CLIP3: variants seen among roughly 807,000 people sequenced by gnomAD.
CLIP3 encodes the protein CAP-Gly domain containing linker protein 3, also known as CAP-Gly domain-containing linker protein 3.
A neutral mutation model predicts 59.4 loss-of-function variants in CLIP3; 15 were observed. That is an observed-to-expected ratio of 0.25 (90% CI 0.17 to 0.39). CLIP3 has a LOEUF of 0.39. Among genes scored for constraint, CLIP3 ranks in the 10% least tolerant of loss-of-function variants. CLIP3 has a pLI of 1.00. For synonymous variants in CLIP3, 300 were observed against 321.6 expected, an observed-to-expected ratio of 0.93 and a Z score of 0.72; for missense variants, 495 against 765.7, an observed-to-expected ratio of 0.65 and a Z score of 4.17.
At chr19:36,031,332 T>G (rs1969261793) in intron 2 of CLIP3, among the ~76,000 whole-genome samples, 1 of 152,174 alleles carries the variant, frequency 6.6e-6, no homozygotes, top group South Asian at 2.1e-4. Context: ...TTTCTTTCTT[T>G]CATAGCACTT....
chr19:36,030,292 A>G (rs1395548561), intron 2 of CLIP3, among the ~76,000 whole-genome samples: 1 of 152,088 alleles, frequency 6.6e-6, no homozygotes, highest in African/African-American at 2.4e-5. Context: ...GCCTCAAGCA[A>G]TCCTCCCACC....
intron 12 of CLIP3, 86 bp from the exon 13 acceptor site, chr19:36,017,065 C>T: frequency 7.5e-7 from 1 of 1,340,476 alleles, no homozygotes; most frequent in Non-Finnish European, 1.1e-6. Flanking sequence ...TCATTAATAC[C>T]TCCCCATGTC....
At chr19:36,017,554 G>T (rs1275660987) in intron 11 of CLIP3, 101 bp downstream of exon 11, 3 of 1,596,584 alleles carry the variant, frequency 1.9e-6, no homozygotes, top group African/African-American at 1.3e-5. Flanking sequence ...GGGGCTCGGG[G>T]GTGTCCACAC....
At chr19:36,025,087 G>A (rs1969065216) in intron 6 of CLIP3, among the ~76,000 whole-genome samples, 1 of 151,674 alleles carries the variant, frequency 6.6e-6, no homozygotes, top group African/African-American at 2.4e-5. Context: ...AAAAGAAGGG[G>A]CAGGGCAGAA....
At chr19:36,018,865 G>T (rs746465361) in intron 9 of CLIP3, 33 bp downstream of exon 9, 2 of 1,602,300 alleles carry the variant, frequency 1.2e-6, no homozygotes, top group East Asian at 4.5e-5. Flanking sequence ...TCCCCAAACT[G>T]GCTCTTCCCA....
chr19:36,027,429 G>T (rs756620830), intron 2 of CLIP3, among the ~76,000 whole-genome samples, 158 bp from the exon 3 acceptor site: 1 of 152,154 alleles, frequency 6.6e-6, no homozygotes, highest in African/African-American at 2.4e-5. Context: ...TTTTCTGTGT[G>T]GCCAGCATGA....
At position 36,015,799 on chromosome 19, in the gene CLIP3, ATCCAGGGTTGGGTGAT is replaced by A. The variant is rs574161520; in HGVS notation, c.*343_*358del. ...GTGTTTGTTAATGGGGAGGTTTCTG[ATCCAGGGTTGGGTGAT>A]TCAAGAATGTTCTGTTGTAATGCAT... is the stretch of plus-strand genomic sequence containing the variant. On this transcript the variant is annotated 3_prime_UTR_variant, in exon 14 of 14. Coordinates refer to ENST00000360535, the MANE Select transcript of CLIP3 (RefSeq NM_015526.3). 6.5e-5 allele frequency: 19 copies of A among 294,104 alleles called. No individual in the cohort carries two copies. The highest frequency in any genetic ancestry group is 4.0e-4 in the African/African-American group (19 of 47,538). 18.2% of individuals were successfully genotyped at this position (294,104 alleles called of 1,614,324 possible).
intron 7 of CLIP3, among the ~76,000 whole-genome samples, chr19:36,023,045 A>T (rs1244543934): frequency 6.6e-6 from 1 of 151,956 alleles, no homozygotes; most frequent in Admixed American, 6.6e-5. Context: ...ACAGAGCAAG[A>T]CTCCATCTCA....
chr19:36,018,469 C>A (rs1568539795), intron 9 of CLIP3, among the ~76,000 whole-genome samples: 1 of 151,698 alleles, frequency 6.6e-6, no homozygotes, highest in Non-Finnish European at 1.5e-5. Context: ...GTAATCCCAG[C>A]TACTCGGGAG....
chr19:36,030,575 C>T (rs1378442314), intron 2 of CLIP3, among the ~76,000 whole-genome samples: 1 of 152,186 alleles, frequency 6.6e-6, no homozygotes, highest in African/African-American at 2.4e-5. Flanking sequence ...CCCCTTCTAC[C>T]CAGTACCCAG....
chr19:36,026,116 G>A lies in CLIP3; in HGVS notation c.681+31C>T, dbSNP rs1164110599. 2.6e-6 allele frequency: 4 copies of A among 1,543,452 alleles called. No homozygotes were observed. The highest frequency in any genetic ancestry group is 3.6e-6 in the Non-Finnish European group (4 of 1,117,400). ...AAGTGGGGGAGGAAGGGAGCAGGAGGGTAACGGGTTCTGGGCAAGGGTGGC... is the reference window on the plus strand; with the variant it reads ...AAGTGGGGGAGGAAGGGAGCAGGAGAGTAACGGGTTCTGGGCAAGGGTGGC... On this transcript the variant is annotated intron_variant, in intron 6 of 13. Coordinates refer to ENST00000360535, the MANE Select transcript of CLIP3 (RefSeq NM_015526.3). This position sits in a 1 kb window ranked among gnomAD's most constrained non-coding sequence, Gnocchi z 6.3.
At position 36,032,181 on chromosome 19, in the gene CLIP3, A is replaced by G; in HGVS notation, c.166+11T>C. On this transcript the variant is annotated intron_variant, in intron 2 of 13. Coordinates refer to ENST00000360535, the MANE Select transcript of CLIP3 (RefSeq NM_015526.3). The surrounding 1 kb of genome is among the most constrained non-coding windows in gnomAD (Gnocchi z 4.3). ...CTCCAGGCCAGATTCCAGGGTGGGG[A>G]CAGTGGTTACCGTAGTCCTTAGGGA... 1 of 1,254,552 alleles carries G rather than the reference A, an allele frequency of 8.0e-7. No individual in the cohort carries two copies. The allele number at this position is 1,254,552 out of a possible 1,614,324, so 77.7% of individuals were successfully genotyped here. A position where few individuals can be genotyped will look rare whatever the true frequency, so the allele number is the denominator to read the frequency against.
At chr19:36,024,754 G>A (rs939757136) in intron 6 of CLIP3, 122 bp from the exon 7 acceptor site, 1 of 889,684 alleles carries the variant, frequency 1.1e-6, no homozygotes, top group Non-Finnish European at 1.7e-6. Context: ...CATATCCTGG[G>A]CCAACCTGGG....
chr19:36,021,434 G>A (rs540079305), intron 7 of CLIP3, among the ~76,000 whole-genome samples: 18 of 152,048 alleles, frequency 1.2e-4, no homozygotes, highest in East Asian at 1.9e-4. Flanking sequence ...ACAGGTGTGC[G>A]CCACCATGCC....
rs1427524477 is a variant in CLIP3 at position 36,016,947 on chromosome 19, G to A, written c.1549C>T (p.Arg517Trp). 10 of 1,613,874 alleles carry A rather than the reference G, an allele frequency of 6.2e-6. No homozygotes were observed. The highest frequency in any genetic ancestry group is 1.1e-5 in the South Asian group (1 of 91,042). ...TCTGATGCAATGTCCTTTGGGGTCCGGACTGTGGTGAAGGTGCGTTTGGGC... is the reference window on the plus strand; with the variant it reads ...TCTGATGCAATGTCCTTTGGGGTCCAGACTGTGGTGAAGGTGCGTTTGGGC... ...TQPKRTFTTV[R>W]TPKDIASENS... Residue 517 changes from arginine (R) to tryptophan (W), a missense_variant, in exon 13 of 14, where the codon CGG becomes TGG. Physicochemically the swap from Arg to Trp is moderately radical, Grantham distance 101 (BLOSUM62 -3). Coordinates refer to ENST00000360535, the MANE Select transcript of CLIP3 (RefSeq NM_015526.3). This position sits in a 1 kb window ranked among gnomAD's most constrained non-coding sequence, Gnocchi z 4.1.
intron 7 of CLIP3, among the ~76,000 whole-genome samples, chr19:36,020,435 C>T (rs1036253169): frequency 1.3e-5 from 2 of 151,914 alleles, no homozygotes; most frequent in African/African-American, 4.8e-5. Context: ...AAACCCCCAT[C>T]TCTACTAAAA....
In CLIP3 at chr19:36,014,924, A is replaced by G. The variant is rs1968750763; in HGVS notation, c.*1234T>C. On this transcript the variant is annotated 3_prime_UTR_variant, in exon 14 of 14. Transcript: ENST00000360535. ...CCTTGGGGCCTTCCATTTATTAGAG[A>G]TGGAGGCTTTAGGATTTGGGGTTCC... is the stretch of plus-strand genomic sequence containing the variant. 1 of 152,140 alleles carries G rather than the reference A, an allele frequency of 6.6e-6. No homozygotes were observed. The highest frequency in any genetic ancestry group is 2.4e-5 in the African/African-American group (1 of 41,376). 9.4% of individuals were successfully genotyped at this position (152,140 alleles called of 1,614,324 possible).
rs919437680 is a variant in CLIP3 at position 36,026,133 on chromosome 19, A to C, written c.681+14T>G. 6.2e-7 allele frequency: 1 copy of C among 1,601,290 alleles called. No homozygotes were observed. The highest frequency in any genetic ancestry group is 8.6e-7 in the Non-Finnish European group (1 of 1,169,122). The stretch of plus-strand genomic sequence containing the variant: ...AGCAGGAGGGTAACGGGTTCTGGGC[A>C]AGGGTGGCAGTACCCTCAGCGCAGG... On this transcript the variant is annotated intron_variant, in intron 6 of 13. Coordinates refer to ENST00000360535, the MANE Select transcript of CLIP3 (RefSeq NM_015526.3). This position sits in a 1 kb window ranked among gnomAD's most constrained non-coding sequence, Gnocchi z 6.3.
chr19:36,016,096 G>A lies in CLIP3; in HGVS notation c.*62C>T. ...AATCTCTATCTCAGGGTGACTCAGG[G>A]CTCCTCGGGTGTCAGGAGATGCTAG... On this transcript the variant is annotated 3_prime_UTR_variant, in exon 14 of 14. Transcript: ENST00000360535. The surrounding 1 kb of genome is among the most constrained non-coding windows in gnomAD (Gnocchi z 4.1). 1 of 1,568,516 alleles carries A rather than the reference G, an allele frequency of 6.4e-7. No homozygotes were observed. Among genetic ancestry groups the A allele is most frequent in the South Asian group, 1.1e-5 (1 of 89,326 alleles).
Sources: gnomAD v4.1 joint callset for allele counts (sites outside exome capture counted in the v4.1 genomes callset) on GRCh38, gnomAD v4.1.1 for gene constraint, Gnocchi (gnomAD v3.1) non-coding constraint, MANE v1.5 for transcripts, NCBI Gene and HGNC (gene_info 2026-07-23, HGNC 2026-07-21) for gene names.